TERB1: variants seen among roughly 807,000 people sequenced by gnomAD.
TERB1 encodes the protein telomere repeats-binding bouquet formation protein 1.
A neutral mutation model predicts 92.3 loss-of-function variants in TERB1; 63 were observed. The ratio of observed to expected loss-of-function variants is 0.68; its 90% CI spans 0.56 to 0.84. The LOEUF (loss-of-function observed/expected upper bound fraction) is 0.84, where lower values mean the gene tolerates loss of function less well. Ranked by LOEUF, TERB1 falls within the 40% of genes least tolerant of loss-of-function variation. TERB1 has a pLI of 0.00. For synonymous variants in TERB1, 252 were observed against 283.9 expected (o/e 0.89, Z 1.13); for missense variants, 709 against 843.7 (o/e 0.84, Z 1.98).
rs1292006065 is a variant in TERB1, at chr16:66,755,156, T to C, written c.2004A>G (p.Arg668=). ...ESTTPGGIKK[R]RIRKNFTEEE... ...CTTCAGTAAAGTTTTTGCGAATTCT[T>C]CTTTTTTCTATAATTAGAATTGTAG... The change falls in exon 19 of 19, where the codon AGA becomes AGG. Residue 668 remains arginine, a synonymous_variant. Coordinates refer to ENST00000433154, the MANE Select transcript of TERB1 (RefSeq NM_001136505.2). 2.0e-6 allele frequency: 3 copies of C among 1,511,004 alleles called. No homozygotes were observed. The highest frequency in any genetic ancestry group is 1.8e-4 in the Middle Eastern group (1 of 5,686). 93.6% of individuals were successfully genotyped at this position (1,511,004 alleles called of 1,614,324 possible).
intron 11 of TERB1, among the ~76,000 whole-genome samples, chr16:66,776,665 G>C (rs1367404569): frequency 2.0e-5 from 3 of 151,896 alleles, no homozygotes; most frequent in African/African-American, 7.3e-5. Context: ...GAGAGAATTG[G>C]TAAGAAGGAG....
chr16:66,795,693 TTCTG>T (rs1299906663), intron 3 of TERB1, among the ~76,000 whole-genome samples: 1 of 152,216 alleles, frequency 6.6e-6, no homozygotes, highest in Admixed American at 6.5e-5. Flanking sequence ...TCTTCAGAAA[TTCTG>T]TCTTTTATAA....
chr16:66,779,402 G>C (rs2018600160), intron 9 of TERB1, among the ~76,000 whole-genome samples: 2 of 152,096 alleles, frequency 1.3e-5, no homozygotes, highest in African/African-American at 4.8e-5. Context: ...TTCAAGACCA[G>C]CCTGGCCAAC....
upstream of TERB1, chr16:66,801,728 G>T (rs989634099): frequency 2.0e-5 from 3 of 152,228 alleles, no homozygotes; most frequent in Non-Finnish European, 4.4e-5. Flanking sequence ...TGTCCCGGCC[G>T]CAAGATTTTT....
chr16:66,760,797 AAAAAGAAAAG>A (rs1959184643), intron 16 of TERB1, among the ~76,000 whole-genome samples: 1 of 80,230 alleles, frequency 1.2e-5, no homozygotes, highest in Admixed American at 1.4e-4. Flanking sequence ...AAAAAAAAAA[AAAAAGAAAAG>A]AAAAGAAAAG....
intron 16 of TERB1, among the ~76,000 whole-genome samples, chr16:66,762,633 C>G (rs1167897705): frequency 1.3e-5 from 2 of 151,860 alleles, no homozygotes; most frequent in South Asian, 2.1e-4. Flanking sequence ...ATCCTCTCCC[C>G]TCAGCCTCCC....
intron 3 of TERB1, 67 bp from the exon 4 acceptor site, chr16:66,791,086 CA>C (rs1271350832): frequency 1.2e-6 from 1 of 833,726 alleles, no homozygotes; most frequent in Non-Finnish European, 1.9e-6. Flanking sequence ...ATTCAAATTT[CA>C]CTTACTAAAT....
At chr16:66,768,237 T>C in intron 14 of TERB1, 69 bp from the exon 15 acceptor site, 2 of 1,224,256 alleles carry the variant, frequency 1.6e-6, no homozygotes, top group South Asian at 1.3e-5. Context: ...AATGTTTCTG[T>C]AAGCAGTGTT....
rs1268074395 is a variant in TERB1, at chr16:66,772,577, A to G, written c.1272+12T>C. 7 of 1,535,182 alleles carry G rather than the reference A, an allele frequency of 4.6e-6. No individual in the cohort carries two copies. The highest frequency in any genetic ancestry group is 2.5e-5 in the East Asian group (1 of 40,790). On this transcript the variant is annotated intron_variant, in intron 13 of 18. Coordinates refer to ENST00000433154, the MANE Select transcript of TERB1 (RefSeq NM_001136505.2). ...AAAAAAGTTCTATATTCTTTAAAAC[A>G]AAGAATCCAACCTCATTTCCTTCTC...
At chr16:66,762,079 T>G (rs1445400142) in intron 16 of TERB1, among the ~76,000 whole-genome samples, 1 of 152,204 alleles carries the variant, frequency 6.6e-6, no homozygotes, top group Non-Finnish European at 1.5e-5. Flanking sequence ...ATATCTAGTT[T>G]GTCTGGTTTT....
chr16:66,795,985 A>C (rs189469218), intron 3 of TERB1, among the ~76,000 whole-genome samples: 235 of 152,276 alleles, frequency 1.5e-3, no homozygotes, highest in East Asian at 3.9e-4. Flanking sequence ...CCTGGGCTCA[A>C]GTGATCCCCC....
chr16:66,764,481 G>GTTGA (rs2018305238), intron 16 of TERB1, among the ~76,000 whole-genome samples: 1 of 152,164 alleles, frequency 6.6e-6, no homozygotes, highest in Non-Finnish European at 1.5e-5. Context: ...AGGCAGAGAG[G>GTTGA]TTGATTCAGT....
At chr16:66,782,532 AGAGT>A (rs2018654173) in intron 9 of TERB1, among the ~76,000 whole-genome samples, 1 of 150,608 alleles carries the variant, frequency 6.6e-6, no homozygotes, top group South Asian at 2.1e-4. Context: ...CTGGGCAACT[AGAGT>A]GAAATTCTGT....
intron 10 of TERB1, among the ~76,000 whole-genome samples, chr16:66,778,313 G>A (rs1290086638): frequency 6.6e-6 from 1 of 151,588 alleles, no homozygotes; most frequent in African/African-American, 2.4e-5. Context: ...TGACCAAGCT[G>A]GTCTCAAACT....
At chr16:66,779,068 G>A in intron 9 of TERB1, 53 bp from the exon 10 acceptor site, 1 of 1,285,052 alleles carries the variant, frequency 7.8e-7, no homozygotes, top group Non-Finnish European at 1.0e-6. Flanking sequence ...ACAGCTGAAT[G>A]GTTTTATTCA....
chr16:66,773,172 A>AG (rs2018483169), intron 12 of TERB1, among the ~76,000 whole-genome samples: 1 of 151,346 alleles, frequency 6.6e-6, no homozygotes, highest in Non-Finnish European at 1.5e-5. Flanking sequence ...CTACTAAAAA[A>AG]AAAAAAAAAA....
chr16:66,767,453 G>T lies in TERB1; in HGVS notation c.1742C>A (p.Thr581Asn), dbSNP rs201027694. ...CGTCAACATTTCGGAACAACTGGGA[G>T]TTGCTAGAAAACTGACTACTTCTTT... ...INKEVVSFLA[T>N]PSCSEMLTYR... Residue 581 changes from threonine to asparagine, a missense_variant, in exon 16 of 19, where the codon ACT becomes AAT. Transcript: ENST00000433154. 1 of 1,528,096 alleles carries T rather than the reference G, an allele frequency of 6.5e-7. No individual in the cohort carries two copies. Among genetic ancestry groups the T allele is most frequent in the South Asian group, 1.3e-5 (1 of 79,142 alleles). The allele number at this position is 1,528,096 out of a possible 1,614,324, so 94.7% of individuals were successfully genotyped here.
intron 10 of TERB1, among the ~76,000 whole-genome samples, chr16:66,778,422 C>T (rs1002281968): frequency 1.4e-4 from 21 of 151,708 alleles, no homozygotes; most frequent in Non-Finnish European, 2.9e-4. Context: ...TTAATGCTGC[C>T]TTTTTTTCCA....
At chr16:66,794,148 G>A (rs1025540314) in intron 3 of TERB1, among the ~76,000 whole-genome samples, 1 of 152,054 alleles carries the variant, frequency 6.6e-6, no homozygotes, top group African/African-American at 2.4e-5. Context: ...TGCCCAGGCT[G>A]GAGTGCAGTG....
Sources: gnomAD v4.1 joint callset for allele counts (sites outside exome capture counted in the v4.1 genomes callset) on GRCh38, gnomAD v4.1.1 for gene constraint, MANE v1.5 for transcripts, NCBI Gene and HGNC (gene_info 2026-07-23, HGNC 2026-07-21) for gene names.